NLRP1: variants seen among roughly 807,000 people sequenced by gnomAD.
NLRP1 encodes NLR family pyrin domain containing 1, also known as NACHT, LRR and PYD domains-containing protein 1.
In NLRP1, 94 loss-of-function variants were observed where a neutral mutation model predicts 136.7. That is an observed-to-expected ratio of 0.69 (90% CI 0.58 to 0.82). The LOEUF (loss-of-function observed/expected upper bound fraction) is 0.82. NLRP1 is among the 40% of genes least tolerant of loss of function. NLRP1 has a pLI of 0.00. For missense variants in NLRP1, 1,575 were observed against 1,802.7 expected (o/e 0.87, Z 2.29); for synonymous variants, 690 against 725.1 (o/e 0.95, Z 0.78).
rs187705795 is a variant in NLRP1 at position 5,537,912 on chromosome 17, G to A, written c.2871-972C>T. 1.8e-4 allele frequency among the ~76,000 whole-genome samples: 27 copies of A among 152,374 alleles called. No individual in the cohort carries two copies. Among genetic ancestry groups the A allele is most frequent in the Admixed American group, 5.9e-4 (9 of 15,308 alleles). The stretch of plus-strand genomic sequence containing the variant: ...AGGTAGTGATAGCCAAAAATACTCA[G>A]TGGGGAGCAGCAGGCTGGGGTGCAA... On this transcript the variant is annotated intron_variant, in intron 7 of 16. Coordinates refer to ENST00000572272, the MANE Select transcript of NLRP1 (RefSeq NM_033004.4). This position sits in a 1 kb window ranked among gnomAD's most constrained non-coding sequence, Gnocchi z 4.5.
At chr17:5,571,670 C>A (rs2151818411) in intron 3 of NLRP1, among the ~76,000 whole-genome samples, 1 of 152,268 alleles carries the variant, frequency 6.6e-6, no homozygotes, top group Non-Finnish European at 1.5e-5. Context: ...AATCGCCATA[C>A]TACTCCAAGC....
downstream of NLRP1, among the ~76,000 whole-genome samples, chr17:5,510,431 C>T (rs1309208091): frequency 6.6e-6 from 1 of 152,070 alleles, no homozygotes; most frequent in Non-Finnish European, 1.5e-5. Flanking sequence ...GTGATCTCGG[C>T]TCACTGCAAC....
intron 6 of NLRP1, among the ~76,000 whole-genome samples, chr17:5,540,781 C>A (rs1911772195): frequency 1.3e-5 from 2 of 152,156 alleles, no homozygotes; most frequent in Non-Finnish European, 2.9e-5. Context: ...TTCCCATCAA[C>A]TCTTGATCAG....
In NLRP1 at chr17:5,559,631, C is replaced by T. The variant is rs1198098348; in HGVS notation, c.1065G>A (p.Gln355=). 32 of 1,614,274 alleles carry T rather than the reference C, an allele frequency of 2.0e-5. No homozygotes were observed. Among genetic ancestry groups the T allele is most frequent in the Non-Finnish European group, 2.6e-5 (31 of 1,180,052 alleles). Residue 355 remains glutamine (Q), a synonymous_variant, in exon 4 of 17, where the codon CAG becomes CAA. Coordinates refer to ENST00000572272, the MANE Select transcript of NLRP1 (RefSeq NM_033004.4). Reference sequence around the variant, plus strand: ...CATGCTGGAAGCGGTCCCCATACAGCTGGCCTCTCCCCCAGGCTTCCTTCA... The same window carrying T: ...CATGCTGGAAGCGGTCCCCATACAGTTGGCCTCTCCCCCAGGCTTCCTTCA... ...RQVKEAWGRG[Q]LYGDRFQHVF...
chr17:5,583,529 T>C lies in NLRP1; in HGVS notation c.271+158A>G, dbSNP rs780747817. Among the ~76,000 whole-genome samples, 1 of 152,138 alleles carries C rather than the reference T, an allele frequency of 6.6e-6. No individual in the cohort carries two copies. Among genetic ancestry groups the C allele is most frequent in the Non-Finnish European group, 1.5e-5 (1 of 68,002 alleles). On this transcript the variant is annotated intron_variant, in intron 1 of 16. Coordinates refer to ENST00000572272, the MANE Select transcript of NLRP1 (RefSeq NM_033004.4). The surrounding 1 kb of genome is among the most constrained non-coding windows in gnomAD (Gnocchi z 4.5). ...CCCAGCAAGCCTCCTGGCTCCAGCA[T>C]AGTCTGGGGCCTGGATCCCCCTTTG...
At chr17:5,506,721 A>G (rs6502866) in intron 15 of NLRP1, among the ~76,000 whole-genome samples, 65,848 of 148,016 alleles carry the variant, frequency 0.44, 17,756 homozygotes, top group African/African-American at 0.77. Flanking sequence ...GTGAAACCCC[A>G]GCTCTACTAA....
At chr17:5,571,007 C>T (rs1446710878) in intron 3 of NLRP1, among the ~76,000 whole-genome samples, 4 of 151,946 alleles carry the variant, frequency 2.6e-5, no homozygotes, top group African/African-American at 9.6e-5. Context: ...GTAAAAAAGC[C>T]CCCACATGAT....
Position 5,530,585 on chromosome 17 carries a change from A to T in NLRP1, c.3416T>A (p.Ile1139Asn). ...FCVWDQFLGEINPQHSWMVAG... is the reference protein window; with the variant it reads ...FCVWDQFLGENNPQHSWMVAG... ...CACCATCCAGCTGTGCTGTGGGTTGATCTCACCCAGGAACTGGTCCCACAC... is the reference window on the plus strand; with the variant it reads ...CACCATCCAGCTGTGCTGTGGGTTGTTCTCACCCAGGAACTGGTCCCACAC... Residue 1139 changes from isoleucine to asparagine, a missense_variant, in exon 12 of 17, where the codon ATC (isoleucine) becomes AAC (asparagine). Physicochemically the swap from Ile to Asn is moderately radical, Grantham distance 149 (BLOSUM62 -3). Transcript: ENST00000572272. 1 of 1,614,232 alleles carries T rather than the reference A, an allele frequency of 6.2e-7. No individual in the cohort carries two copies. The highest frequency in any genetic ancestry group is 8.5e-7 in the Non-Finnish European group (1 of 1,180,030).
At chr17:5,580,453 A>T (rs1905512989) in intron 3 of NLRP1, among the ~76,000 whole-genome samples, 2 of 151,858 alleles carry the variant, frequency 1.3e-5, no homozygotes, top group African/African-American at 4.8e-5. Context: ...TAAGTTCCCT[A>T]TTTGAAGAAT....
chr17:5,511,088 G>A (rs1004136244), downstream of NLRP1, among the ~76,000 whole-genome samples: 5 of 152,104 alleles, frequency 3.3e-5, no homozygotes, highest in Admixed American at 2.0e-4. Context: ...CCAAGAATTT[G>A]ATTCCCAGCT....
chr17:5,562,974 G>C (rs574833307), intron 3 of NLRP1, among the ~76,000 whole-genome samples: 1 of 152,214 alleles, frequency 6.6e-6, no homozygotes. Flanking sequence ...GCCTTCTAGA[G>C]TTAGAGCAGG....
At chr17:5,510,885 G>A (rs1907590105), downstream of NLRP1, among the ~76,000 whole-genome samples, 1 of 152,030 alleles carries the variant, frequency 6.6e-6, no homozygotes, top group Non-Finnish European at 1.5e-5. Context: ...TGTTATCACT[G>A]GCACCTACAA....
intron 3 of NLRP1, among the ~76,000 whole-genome samples, chr17:5,560,497 T>C (rs1914614462): frequency 3.9e-5 from 6 of 152,210 alleles, no homozygotes; most frequent in Admixed American, 3.9e-4. Flanking sequence ...CACCTGCTAT[T>C]GCAGTACCTG....
Position 5,564,904 on chromosome 17 carries a change from A to G in NLRP1, c.653-4861T>C, listed in dbSNP as rs528301744. Among the ~76,000 whole-genome samples the G allele has an allele frequency of 1.6e-4, 25 of 151,906 alleles. No homozygotes were observed. In the South Asian group the frequency reaches 5.0e-3, roughly 30 times the overall value. ...AGGTGCCCGCCACTGCACCTGGCTA[A>G]TTTTTTGTGTTTTTAGTAGAGATGG... On this transcript the variant is annotated intron_variant, in intron 3 of 16. Coordinates refer to ENST00000572272, the MANE Select transcript of NLRP1 (RefSeq NM_033004.4).
intron 8 of NLRP1, 22 bp from the exon 9 acceptor site, chr17:5,534,010 C>G (rs1910703109): frequency 6.5e-7 from 1 of 1,539,574 alleles, no homozygotes; most frequent in Non-Finnish European, 9.0e-7. Context: ...ATTGTTCATT[C>G]TGCCTAAGAT....
downstream of NLRP1, chr17:5,512,553 G>C (rs1907711713): frequency 5.4e-6 from 3 of 555,774 alleles, no homozygotes; most frequent in Non-Finnish European, 1.0e-5. Flanking sequence ...GTTGTGTGGA[G>C]AGTGGAGGTC....
rs1287889404 is a variant in NLRP1 at position 5,552,104 on chromosome 17, TTTTTTTTTTTTA to T, written c.2528+1270_2528+1281del. On this transcript the variant is annotated intron_variant, in intron 5 of 16. Coordinates refer to ENST00000572272, the MANE Select transcript of NLRP1 (RefSeq NM_033004.4). Reference sequence around the variant, plus strand: ...CTTTCCTTTTTTTTTTTTTTTTTTTTTTTTTTTTTTTAAATAGAAGTATTTATAACTATAAAC... The same window carrying T: ...CTTTCCTTTTTTTTTTTTTTTTTTTTAATAGAAGTATTTATAACTATAAAC... 5.8e-3 allele frequency among the ~76,000 whole-genome samples: 610 copies of T among 104,592 alleles called. 5 individuals are homozygous for T. The highest frequency in any genetic ancestry group is 0.016 in the African/African-American group (547 of 34,628). 68.6% of individuals were successfully genotyped at this position (104,592 alleles called of 152,430 possible).
Position 5,532,389 on chromosome 17 carries a change from T to C in NLRP1, c.3296+433A>G, listed in dbSNP as rs186815745. Reference sequence around the variant, plus strand: ...AGCTTTGTCAGATGTGATATTGGCATTGTAGTTATGTTATGGAAGAAAAGG... The same window carrying C: ...AGCTTTGTCAGATGTGATATTGGCACTGTAGTTATGTTATGGAAGAAAAGG... On this transcript the variant is annotated intron_variant, in intron 11 of 16. Transcript: ENST00000572272. 5.9e-5 allele frequency among the ~76,000 whole-genome samples: 9 copies of C among 152,354 alleles called. No homozygotes were observed. The East Asian group carries it at 1.5e-3, about 26-fold the overall frequency.
At chr17:5,535,135 G>A (rs918989020) in intron 8 of NLRP1, among the ~76,000 whole-genome samples, 3 of 152,024 alleles carry the variant, frequency 2.0e-5, no homozygotes, top group African/African-American at 7.2e-5. Context: ...CATAAGAATG[G>A]TTTGAACCTG....
Sources: allele counts gnomAD v4.1 joint callset (sites outside exome capture counted in the v4.1 genomes callset), GRCh38; gene constraint gnomAD v4.1.1; non-coding constraint Gnocchi (gnomAD v3.1); transcripts MANE v1.5; gene names NCBI Gene and HGNC (gene_info 2026-07-23, HGNC 2026-07-21).